UNC79: variants seen among roughly 807,000 people sequenced by gnomAD.
The protein encoded by UNC79 is protein unc-79 homolog.
In UNC79, 37 loss-of-function variants were observed where a neutral mutation model predicts 283.1. That is an observed-to-expected ratio of 0.13 (90% confidence interval 0.10 to 0.17). The LOEUF (loss-of-function observed/expected upper bound fraction) is 0.17, where lower values mean the gene tolerates loss of function less well. Ranked by LOEUF, UNC79 falls within the 10% of genes least tolerant of loss-of-function variation. UNC79 has a pLI of 1.00. For missense variants in UNC79, 2,272 were observed against 3,211.1 expected, an observed-to-expected ratio of 0.71 and a Z score of 7.07; for synonymous variants, 1,107 against 1,200.2, an observed-to-expected ratio of 0.92 and a Z score of 1.61.
intron 1 of UNC79, among the ~76,000 whole-genome samples, chr14:93,338,698 A>C (rs1260637761): frequency 6.6e-6 from 1 of 152,088 alleles, no homozygotes; most frequent in Non-Finnish European, 1.5e-5. Context: ...CTTGAGCCCA[A>C]GGGTTCAAGA....
rs140201851 is a variant in UNC79, at chr14:93,493,874, C to CATAT, written c.713-2512_713-2509dup. 1.7e-3 allele frequency among the ~76,000 whole-genome samples: 131 copies of CATAT among 76,674 alleles called. 1 individual carries two copies. The highest frequency in any genetic ancestry group is 8.8e-3 in the Middle Eastern group (1 of 114). The allele number at this position is 76,674 out of a possible 152,430, so 50.3% of individuals were successfully genotyped here. A position where few individuals can be genotyped will look rare whatever the true frequency, so the allele number is the denominator to read the frequency against. On this transcript the variant is annotated intron_variant, in intron 5 of 48. Transcript: ENST00000555664. ...GGAAGAGAGAGAAGGGGAAGTGCCA[C>CATAT]ATATATATATATATATATATATATA...
intron 2 of UNC79, among the ~76,000 whole-genome samples, chr14:93,472,961 C>T (rs1333595109): frequency 6.6e-6 from 1 of 152,080 alleles, no homozygotes; most frequent in Non-Finnish European, 1.5e-5. Context: ...CCTAATTTTA[C>T]AAAACCTAAA....
rs2072186176 is a variant in UNC79, at chr14:93,666,224, C to A, written c.6636+3510C>A. On this transcript the variant is annotated intron_variant, in intron 40 of 48. Transcript: ENST00000555664. ...AGGCCAGAAATAGAATTTATAAGTT[C>A]CAAACATAGAATAAAACAAGAATAA... Among the ~76,000 whole-genome samples the A allele has an allele frequency of 2.0e-5, 3 of 151,762 alleles. No homozygotes were observed. The South Asian group carries it at 6.2e-4, about 32-fold the overall frequency.
chr14:93,396,189 T>G (rs1276729715), intron 1 of UNC79, among the ~76,000 whole-genome samples: 1 of 152,102 alleles, frequency 6.6e-6, no homozygotes, highest in Admixed American at 6.5e-5. Context: ...TTGTGGATTT[T>G]TCCTTTCAGT....
chr14:93,689,998 G>A, intron 44 of UNC79, 119 bp from the exon 48 acceptor site: 1 of 1,153,710 alleles, frequency 8.7e-7, no homozygotes, highest in Non-Finnish European at 1.2e-6. Context: ...TTGGCGTTTT[G>A]TTTTATGTGA....
At chr14:93,450,521 A>T (rs1179501057) in intron 1 of UNC79, among the ~76,000 whole-genome samples, 2 of 152,022 alleles carry the variant, frequency 1.3e-5, no homozygotes, top group African/African-American at 4.8e-5. Flanking sequence ...ATGTCTAAAT[A>T]CGCCTTTATT....
At chr14:93,412,471 C>T (rs572736944) in intron 1 of UNC79, among the ~76,000 whole-genome samples, 196 of 106,416 alleles carry the variant, frequency 1.8e-3, no homozygotes, top group Non-Finnish European at 3.4e-3. Context: ...CCAAAGAAGA[C>T]TACCTCAAGG....
chr14:93,670,934 A>G lies in UNC79; in HGVS notation c.6637-2417A>G, dbSNP rs373373171. Among the ~76,000 whole-genome samples the G allele has an allele frequency of 1.2e-4, 18 of 152,366 alleles. No individual in the cohort carries two copies. The South Asian group carries it at 3.5e-3, about 30-fold the overall frequency. On this transcript the variant is annotated intron_variant, in intron 40 of 48. Transcript: ENST00000555664. ...GACCAAATATATATTTTACAGTATC[A>G]TACATATGAATCCATTTAACTGTAT...
intron 41 of UNC79, among the ~76,000 whole-genome samples, chr14:93,678,274 A>G (rs1232335000): frequency 1.3e-5 from 2 of 152,208 alleles, no homozygotes; most frequent in Non-Finnish European, 2.9e-5. Context: ...CAATTTGGAA[A>G]TGTAAAAAAG....
rs534347766 is a variant in UNC79, at chr14:93,470,924, C to A, written c.143+3133C>A. 1.9e-3 allele frequency among the ~76,000 whole-genome samples: 296 copies of A among 152,230 alleles called. 2 individuals carry two copies. Among genetic ancestry groups the A allele is most frequent in the African/African-American group, 6.8e-3 (281 of 41,558 alleles). Reference sequence around the variant, plus strand: ...TTTAAGAATCTTGCTTTTTACCTGGCAGGACATTTAAAGGATCCTAGTCTT... The same window carrying A: ...TTTAAGAATCTTGCTTTTTACCTGGAAGGACATTTAAAGGATCCTAGTCTT... On this transcript the variant is annotated intron_variant, in intron 2 of 48. Coordinates refer to ENST00000555664, the Ensembl canonical transcript of UNC79.
At chr14:93,455,491 G>A (rs750443371) in intron 1 of UNC79, among the ~76,000 whole-genome samples, 5 of 152,054 alleles carry the variant, frequency 3.3e-5, no homozygotes, top group Admixed American at 1.3e-4. Flanking sequence ...GCATGCGTGC[G>A]TGTGTCTGTG....
chr14:93,618,333 A>C (rs1596095393), exon 29 of UNC79: 1 of 1,612,624 alleles, frequency 6.2e-7, no homozygotes, highest in Non-Finnish European at 8.5e-7. Flanking sequence ...TAACATAAGC[A>C]GATACAGCGA....
intron 35 of UNC79, among the ~76,000 whole-genome samples, chr14:93,650,181 A>G (rs1409891439): frequency 2.6e-5 from 4 of 152,262 alleles, no homozygotes; most frequent in African/African-American, 9.6e-5. Flanking sequence ...GCTGAATTGT[A>G]TCCCATAATT....
intron 24 of UNC79, among the ~76,000 whole-genome samples, chr14:93,599,507 T>C (rs530797373): frequency 5.3e-4 from 81 of 152,074 alleles, no homozygotes; most frequent in South Asian, 1.0e-3. Context: ...TGGCACATTC[T>C]TTTTTTTGTA....
intron 1 of UNC79, among the ~76,000 whole-genome samples, chr14:93,347,740 G>A (rs1381277949): frequency 6.6e-6 from 1 of 152,062 alleles, no homozygotes; most frequent in Non-Finnish European, 1.5e-5. Context: ...GGACGTCCTC[G>A]GCACTGCGAA....
intron 1 of UNC79, among the ~76,000 whole-genome samples, chr14:93,452,005 A>G (rs2056658498): frequency 6.6e-6 from 1 of 152,072 alleles, no homozygotes; most frequent in Admixed American, 6.5e-5. Context: ...TATGTTTTAG[A>G]TGATTGTCTT....
intron 1 of UNC79, among the ~76,000 whole-genome samples, chr14:93,406,626 A>G (rs1203909350): frequency 6.6e-6 from 1 of 152,104 alleles, no homozygotes; most frequent in Non-Finnish European, 1.5e-5. Flanking sequence ...CTAATAATAT[A>G]ATACATCTTA....
chr14:93,490,969 A>G (rs2058694627), intron 5 of UNC79, among the ~76,000 whole-genome samples: 1 of 152,130 alleles, frequency 6.6e-6, no homozygotes, highest in Admixed American at 6.5e-5. Flanking sequence ...AATTCTATAA[A>G]CTGGATGACT....
intron 1 of UNC79, among the ~76,000 whole-genome samples, chr14:93,460,238 A>C (rs1294512476): frequency 7.4e-6 from 1 of 135,272 alleles, no homozygotes; most frequent in Non-Finnish European, 1.6e-5. Context: ...GGCCGAGTGC[A>C]GTGGCTTACG....
Sources: gnomAD v4.1 joint callset for allele counts (sites outside exome capture counted in the v4.1 genomes callset) on GRCh38, gnomAD v4.1.1 for gene constraint, MANE v1.5 for transcripts, NCBI Gene and HGNC (gene_info 2026-07-23, HGNC 2026-07-21) for gene names.